Variants in RBM6 observed in about 807,000 individuals in gnomAD.
The protein encoded by RBM6 is RNA-binding protein 6.
RBM6 carries 23 observed loss-of-function variants against 140.4 expected under a neutral mutation model. That is an observed-to-expected ratio of 0.16 (90% CI 0.12 to 0.23). RBM6 has a LOEUF of 0.23. RBM6 is among the 10% of genes least tolerant of loss of function. The pLI, the probability that RBM6 is intolerant of heterozygous loss-of-function variation, is 1.00. For missense variants in RBM6, 1,139 were observed against 1,386.7 expected (o/e 0.82, Z 2.84); for synonymous variants, 439 against 475.6 (o/e 0.92, Z 1.00).
intron 6 of RBM6, among the ~76,000 whole-genome samples, chr3:50,014,427 A>G (rs1173878160): frequency 6.6e-6 from 1 of 152,248 alleles, no homozygotes; most frequent in Non-Finnish European, 1.5e-5. Context: ...AAGATTACAC[A>G]TATTTGGCAG....
chr3:49,972,102 G>T lies in RBM6; in HGVS notation c.1367G>T (p.Arg456Met), dbSNP rs201818685. 1 of 1,613,510 alleles carries T rather than the reference G, an allele frequency of 6.2e-7. No individual in the cohort carries two copies. Among genetic ancestry groups the T allele is most frequent in the Non-Finnish European group, 8.5e-7 (1 of 1,179,598 alleles). ...GGCCCAAGTGAGGAGAAACCCAGCA[G>T]GCTTATTCGATTAAGTGGGGTACCT... ...RTGPSEEKPS[R>M]LIRLSGVPED... The change falls in exon 4 of 21, where the codon AGG becomes ATG. Residue 456 changes from arginine (R) to methionine (M), a missense_variant. This residue lies in a region of RBM6 where 566 missense variants were observed against 612.7 expected (regional missense o/e 0.92). Coordinates refer to ENST00000266022, the MANE Select transcript of RBM6 (RefSeq NM_005777.3).
chr3:49,943,651 C>T (rs1483217684), intron 1 of RBM6, among the ~76,000 whole-genome samples: 2 of 151,892 alleles, frequency 1.3e-5, no homozygotes, highest in Non-Finnish European at 2.9e-5. Flanking sequence ...ACAGGGTCTC[C>T]CTATGTTGCC....
chr3:50,062,332 T>C (rs1250569947), intron 15 of RBM6, among the ~76,000 whole-genome samples: 5 of 151,960 alleles, frequency 3.3e-5, no homozygotes, highest in Non-Finnish European at 5.9e-5. Context: ...GTGAAACCCC[T>C]GTCTCTACTA....
Position 49,957,838 on chromosome 3 carries a change from T to TC in RBM6, c.-66-4738_-66-4737insC, listed in dbSNP as rs112056986. On this transcript the variant is annotated intron_variant, in intron 1 of 20. Transcript: ENST00000266022. Reference sequence around the variant, plus strand: ...CCTTTACCAGAGATCTTTCTTTCTTTTTTTTTTTTTTGGGATGGAGTCTCG... The same window carrying TC: ...CCTTTACCAGAGATCTTTCTTTCTTTCTTTTTTTTTTTGGGATGGAGTCTCG... 1.9e-3 allele frequency among the ~76,000 whole-genome samples: 286 copies of TC among 151,092 alleles called. 4 individuals are homozygous for TC. Among genetic ancestry groups the TC allele is most frequent in the African/African-American group, 6.6e-3 (274 of 41,306 alleles).
Position 49,962,612 on chromosome 3 carries a change from T to C in RBM6, c.-30T>C. The C allele has an allele frequency of 6.3e-7, 1 of 1,584,156 alleles. No individual in the cohort carries two copies. Among genetic ancestry groups the C allele is most frequent in the Non-Finnish European group, 8.6e-7 (1 of 1,169,282 alleles). On this transcript the variant is annotated 5_prime_UTR_variant, in exon 2 of 21. Transcript: ENST00000266022. Reference sequence around the variant, plus strand: ...ACCAGAATTTGGTAGAAAAAGGATTTACTTGTTGGGGCCCTCTTGATAAAA... The same window carrying C: ...ACCAGAATTTGGTAGAAAAAGGATTCACTTGTTGGGGCCCTCTTGATAAAA...
chr3:50,054,357 A>G lies in RBM6; in HGVS notation c.1655A>G (p.His552Arg). The G allele has an allele frequency of 1.2e-6, 2 of 1,613,246 alleles. No individual in the cohort carries two copies. The highest frequency in any genetic ancestry group is 1.7e-6 in the Non-Finnish European group (2 of 1,179,142). ...CAGTGTAAGGCAAACATTGGTGGGC[A>G]CCGATCTTCCTGTTCATTCTGCAAG... Reference protein sequence around the residue: ...CKRCKANIGGHRSSCSFCKNP... With the variant: ...CKRCKANIGGRRSSCSFCKNP... Residue 552 changes from histidine (H) to arginine (R), a missense_variant, in exon 8 of 21, where the codon CAC (histidine) becomes CGC (arginine). This residue lies in a region of RBM6 where 58 missense variants were observed against 99.7 expected (regional missense o/e 0.58). Coordinates refer to ENST00000266022, the MANE Select transcript of RBM6 (RefSeq NM_005777.3).
chr3:50,072,859 G>A (rs563286048), intron 19 of RBM6, among the ~76,000 whole-genome samples: 9 of 152,216 alleles, frequency 5.9e-5, no homozygotes, highest in South Asian at 2.1e-4. Context: ...GGTGGGGTGC[G>A]GAAAGAGACC....
intron 5 of RBM6, among the ~76,000 whole-genome samples, chr3:49,978,632 T>G (rs1267935328): frequency 1.3e-5 from 2 of 152,180 alleles, no homozygotes; most frequent in Non-Finnish European, 2.9e-5. Context: ...ATATGGGAAT[T>G]ATATCTCCCA....
At chr3:50,040,046 G>A (rs572852866) in intron 6 of RBM6, among the ~76,000 whole-genome samples, 56 of 152,014 alleles carry the variant, frequency 3.7e-4, no homozygotes, top group Non-Finnish European at 6.9e-4. Context: ...ATCATGATAG[G>A]AGGCATTTTC....
At chr3:50,059,780 C>A (rs760057423) in intron 11 of RBM6, 34 bp downstream of exon 11, 2 of 1,535,396 alleles carry the variant, frequency 1.3e-6, no homozygotes, top group Non-Finnish European at 1.8e-6. Flanking sequence ...CTTGTGCTGC[C>A]CCCACTTGTG....
At chr3:50,042,823 C>T (rs534544048) in intron 6 of RBM6, among the ~76,000 whole-genome samples, 23 of 152,120 alleles carry the variant, frequency 1.5e-4, no homozygotes, top group African/African-American at 5.5e-4. Context: ...AGAGTTTCAA[C>T]ACTCTGACCC....
At chr3:50,022,153 G>A (rs779382197) in intron 6 of RBM6, among the ~76,000 whole-genome samples, 6 of 152,068 alleles carry the variant, frequency 3.9e-5, no homozygotes, top group Non-Finnish European at 7.4e-5. Context: ...AACAGTGTTT[G>A]AGAGCACTTG....
intron 5 of RBM6, among the ~76,000 whole-genome samples, chr3:49,988,102 G>A (rs1357459807): frequency 6.6e-6 from 1 of 152,148 alleles, no homozygotes; most frequent in Non-Finnish European, 1.5e-5. Context: ...TATTGATTTT[G>A]CTGTGGGATT....
intron 6 of RBM6, among the ~76,000 whole-genome samples, chr3:50,013,865 G>C (rs2086980790): frequency 6.6e-6 from 1 of 152,102 alleles, no homozygotes; most frequent in South Asian, 2.1e-4. Flanking sequence ...TTTTTGACAT[G>C]CTCTTCTCCT....
chr3:49,988,141 C>T (rs1575620592), intron 5 of RBM6, among the ~76,000 whole-genome samples: 1 of 152,148 alleles, frequency 6.6e-6, no homozygotes, highest in South Asian at 2.1e-4. Flanking sequence ...GTTGGGCCTA[C>T]TGCTTTTTAA....
Position 50,015,295 on chromosome 3 carries a change from G to A in RBM6, c.1557+15782G>A, listed in dbSNP as rs1245004165. Among the ~76,000 whole-genome samples, 9 of 150,486 alleles carry A rather than the reference G, an allele frequency of 6.0e-5. No homozygotes were observed. In the South Asian group the frequency reaches 8.4e-4, roughly 14 times the overall value. On this transcript the variant is annotated intron_variant, in intron 6 of 20. Transcript: ENST00000266022. ...GCTAATTTTTGTATTTTTAGCAGAGGCGGGGTTTCACCATATTGGCCAGGC... is the reference window on the plus strand; with the variant it reads ...GCTAATTTTTGTATTTTTAGCAGAGACGGGGTTTCACCATATTGGCCAGGC...
At chr3:49,988,946 CA>C (rs987147908) in intron 5 of RBM6, among the ~76,000 whole-genome samples, 1 of 130,122 alleles carries the variant, frequency 7.7e-6, no homozygotes, top group South Asian at 2.2e-4. Flanking sequence ...GACTCCATCT[CA>C]AAAAAAAGAA....
rs869272546 is a variant in RBM6, at chr3:49,955,160, CTTTTTTTTTT to C, written c.-66-7401_-66-7392del. Among the ~76,000 whole-genome samples, 115 of 72,714 alleles carry C rather than the reference CTTTTTTTTTT, an allele frequency of 1.6e-3. 2 individuals carry two copies. Among genetic ancestry groups the C allele is most frequent in the African/African-American group, 6.3e-3 (110 of 17,370 alleles). 47.7% of individuals were successfully genotyped at this position (72,714 alleles called of 152,430 possible). On this transcript the variant is annotated intron_variant, in intron 1 of 20. Coordinates refer to ENST00000266022, the MANE Select transcript of RBM6 (RefSeq NM_005777.3). ...GGCCGCATAGTATTTTTTTTTCTTT[CTTTTTTTTTT>C]TTTTTTTTTTTTTTGAGACTGAGTC...
At chr3:50,033,933 C>G (rs969028401) in intron 6 of RBM6, among the ~76,000 whole-genome samples, 1 of 152,180 alleles carries the variant, frequency 6.6e-6, no homozygotes, top group African/African-American at 2.4e-5. Flanking sequence ...AGCCACAGCA[C>G]TTGGCCGGAT....
Sources: gnomAD v4.1 joint callset for allele counts (sites outside exome capture counted in the v4.1 genomes callset) on GRCh38, gnomAD v4.1.1 for gene constraint, gnomAD v4.1.1 regional missense constraint, MANE v1.5 for transcripts, NCBI Gene and HGNC (gene_info 2026-07-23, HGNC 2026-07-21) for gene names.